The following UNC79 variants were observed in gnomAD, a reference collection of about 807,000 sequenced individuals.
The protein encoded by UNC79 is protein unc-79 homolog.
In UNC79, 37 loss-of-function variants were observed where a neutral mutation model predicts 283.1. The observed-to-expected ratio is 0.13, with a 90% CI of 0.10 to 0.17. UNC79 has a LOEUF of 0.17. Ranked by LOEUF, UNC79 falls within the 10% of genes least tolerant of loss-of-function variation. UNC79 has a pLI of 1.00. For synonymous variants in UNC79, 1,107 were observed against 1,200.2 expected, an observed-to-expected ratio of 0.92 and a Z score of 1.61; for missense variants, 2,272 against 3,211.1, an observed-to-expected ratio of 0.71 and a Z score of 7.07.
At chr14:93,637,254 A>C in exon 32 of UNC79, 1 of 1,570,342 alleles carries the variant, frequency 6.4e-7, no homozygotes, top group African/African-American at 1.3e-5. Context: ...TAACGTGCCA[A>C]CGTGCCTAAA....
At chr14:93,603,108 G>C (rs961082114) in intron 25 of UNC79, 131 bp from the exon 26 acceptor site, 1 of 1,073,154 alleles carries the variant, frequency 9.3e-7, no homozygotes, top group African/African-American at 1.6e-5. Flanking sequence ...ACTCATCATA[G>C]AGGGAGATGT....
At chr14:93,641,078 A>G (rs2068986763) in intron 32 of UNC79, 67 bp from the exon 36 acceptor site, 4 of 1,380,294 alleles carry the variant, frequency 2.9e-6, no homozygotes, top group Non-Finnish European at 3.0e-6. Flanking sequence ...TAAGAGGAGA[A>G]CCAGGCCTTT....
Position 93,337,258 on chromosome 14 carries a change from A to G in UNC79, c.-351+3735A>G, listed in dbSNP as rs144564577. Among the ~76,000 whole-genome samples, 794 of 152,374 alleles carry G rather than the reference A, an allele frequency of 5.2e-3. 6 individuals carry two copies. The highest frequency in any genetic ancestry group is 7.9e-3 in the Non-Finnish European group (539 of 68,032). ...CCTAACTCACAGACTCATAGAGTCTACGCACTTTGGGTCTTGGCTCCTCTG... is the reference window on the plus strand; with the variant it reads ...CCTAACTCACAGACTCATAGAGTCTGCGCACTTTGGGTCTTGGCTCCTCTG... On this transcript the variant is annotated intron_variant, in intron 1 of 49. Transcript: ENST00000256339.
chr14:93,580,277 A>G, exon 19 of UNC79: 1 of 1,614,238 alleles, frequency 6.2e-7, no homozygotes, highest in Non-Finnish European at 8.5e-7. Flanking sequence ...AGGACGAAAA[A>G]GCAATCGAGT....
chr14:93,642,318 G>A (rs1465836126), intron 33 of UNC79, among the ~76,000 whole-genome samples: 36 of 151,748 alleles, frequency 2.4e-4, no homozygotes, highest in African/African-American at 2.4e-4. Context: ...CCAGCTACTC[G>A]GGAGGCTGAG....
At chr14:93,557,994 C>T (rs1247783143) in intron 14 of UNC79, among the ~76,000 whole-genome samples, 1 of 152,182 alleles carries the variant, frequency 6.6e-6, no homozygotes, top group Non-Finnish European at 1.5e-5. Context: ...AATACCCCCA[C>T]ATGGTCAAAA....
chr14:93,558,161 AC>A (rs983210743), intron 14 of UNC79, among the ~76,000 whole-genome samples: 167 of 152,248 alleles, frequency 1.1e-3, no homozygotes, highest in African/African-American at 3.9e-3. Context: ...TTCTGTGGCA[AC>A]CCCTCCATGA....
intron 1 of UNC79, among the ~76,000 whole-genome samples, chr14:93,392,635 C>T (rs1300713715): frequency 1.3e-5 from 2 of 152,144 alleles, no homozygotes; most frequent in Non-Finnish European, 2.9e-5. Flanking sequence ...CCATAGCCAA[C>T]AGGAGTTCTC....
intron 1 of UNC79, among the ~76,000 whole-genome samples, chr14:93,342,245 T>C (rs2053729456): frequency 6.6e-6 from 1 of 152,222 alleles, no homozygotes. Flanking sequence ...AAAGCTTAAC[T>C]CTTGTCTTCT....
chr14:93,557,309 T>C (rs2062231122), intron 14 of UNC79, among the ~76,000 whole-genome samples: 1 of 152,230 alleles, frequency 6.6e-6, no homozygotes, highest in South Asian at 2.1e-4. Context: ...GGAGTGTCTT[T>C]GCCGGTATCT....
At chr14:93,402,449 A>T (rs2055130406) in intron 1 of UNC79, among the ~76,000 whole-genome samples, 1 of 151,996 alleles carries the variant, frequency 6.6e-6, no homozygotes, top group Admixed American at 6.6e-5. Context: ...GGAGGAAAAA[A>T]TTATAAACAA....
At chr14:93,397,762 T>A (rs2055027086) in intron 1 of UNC79, among the ~76,000 whole-genome samples, 1 of 12,878 alleles carries the variant, frequency 7.8e-5, no homozygotes, top group South Asian at 1.6e-3. Context: ...GTTGGAGTCA[T>A]TTTTTTTTTT....
chr14:93,402,099 G>A (rs578050860), intron 1 of UNC79, among the ~76,000 whole-genome samples: 2 of 152,100 alleles, frequency 1.3e-5, no homozygotes, highest in South Asian at 2.1e-4. Flanking sequence ...CCAGCATGGT[G>A]AAACCCCATC....
Position 93,690,503 on chromosome 14 carries a change from T to G in UNC79, c.7272+200T>G. ...TGTCTTTCCCCCCGCCCCCAAATTG[T>G]TTTTCGGCTTACTTTTATAAAGATA... On this transcript the variant is annotated intron_variant, in intron 45 of 48. Coordinates refer to ENST00000555664, the Ensembl canonical transcript of UNC79. This position sits in a 1 kb window ranked among gnomAD's most constrained non-coding sequence, Gnocchi z 4.3. 1.9e-6 allele frequency: 1 copy of G among 536,334 alleles called. No homozygotes were observed. The highest frequency in any genetic ancestry group is 3.0e-6 in the Non-Finnish European group (1 of 330,686). 33.2% of individuals were successfully genotyped at this position (536,334 alleles called of 1,614,324 possible).
rs756774591 is a variant in UNC79, at chr14:93,474,337, A to G, written c.392A>G (p.Tyr131Cys). ...CCTTCTTTGGACTACCAAGGCCTCTACGTGACTTTGGTGACCCTCCTGGAT... is the reference window on the plus strand; with the variant it reads ...CCTTCTTTGGACTACCAAGGCCTCTGCGTGACTTTGGTGACCCTCCTGGAT... The change falls in exon 3 of 49, where the codon TAC becomes TGC. Residue 131 changes from tyrosine to cysteine, a missense_variant. By Grantham distance (194) the Tyr-to-Cys change is radical. Coordinates refer to ENST00000555664, the Ensembl canonical transcript of UNC79. The surrounding 1 kb of genome is among the most constrained non-coding windows in gnomAD (Gnocchi z 4.1). 49 of 1,536,026 alleles carry G rather than the reference A, an allele frequency of 3.2e-5. No homozygotes were observed. The highest frequency in any genetic ancestry group is 5.9e-5 in the Admixed American group (3 of 50,988).
At chr14:93,656,221 G>T (rs1372174393) in intron 38 of UNC79, among the ~76,000 whole-genome samples, 1 of 152,144 alleles carries the variant, frequency 6.6e-6, no homozygotes, top group Non-Finnish European at 1.5e-5. Context: ...AGTGGTGGCT[G>T]GCAGTGGTGT....
chr14:93,423,062 C>CAAAAAAAAAAAAAA (rs71129634), intron 1 of UNC79, among the ~76,000 whole-genome samples: 2 of 77,304 alleles, frequency 2.6e-5, no homozygotes, highest in Admixed American at 1.4e-4. Context: ...GACTCTGTCT[C>CAAAAAAAAAAAAAA]AAAAAAAAAA....
At chr14:93,494,801 C>A (rs1441811374) in intron 5 of UNC79, among the ~76,000 whole-genome samples, 2 of 152,178 alleles carry the variant, frequency 1.3e-5, no homozygotes, top group African/African-American at 4.8e-5. Flanking sequence ...CTTTGGCTGA[C>A]AGAGGCTTTA....
At chr14:93,523,388 C>T (rs1414525321) in intron 7 of UNC79, among the ~76,000 whole-genome samples, 1 of 152,054 alleles carries the variant, frequency 6.6e-6, no homozygotes, top group Non-Finnish European at 1.5e-5. Flanking sequence ...TTAATCTTTC[C>T]AGTCTCCATG....
Sources: allele counts gnomAD v4.1 joint callset (sites outside exome capture counted in the v4.1 genomes callset), GRCh38; gene constraint gnomAD v4.1.1; non-coding constraint Gnocchi (gnomAD v3.1); transcripts MANE v1.5; gene names NCBI Gene and HGNC (gene_info 2026-07-23, HGNC 2026-07-21).